Variants in COL25A1 observed in about 807,000 individuals in gnomAD.
The protein encoded by COL25A1 is collagen type XXV alpha 1 chain.
A neutral mutation model predicts 128.4 loss-of-function variants in COL25A1; 103 were observed. The observed-to-expected ratio is 0.80, with a 90% CI of 0.68 to 0.94. COL25A1 has a LOEUF of 0.94. COL25A1 is among the 40% of genes least tolerant of loss of function. COL25A1 has a pLI of 0.00. For missense variants in COL25A1, 745 were observed against 840.0 expected, an observed-to-expected ratio of 0.89 and a Z score of 1.40; for synonymous variants, 279 against 277.2, an observed-to-expected ratio of 1.01 and a Z score of -0.06.
intron 3 of COL25A1, among the ~76,000 whole-genome samples, chr4:109,267,787 C>T (rs1385616263): frequency 6.6e-6 from 1 of 151,962 alleles, no homozygotes; most frequent in African/African-American, 2.4e-5. Context: ...ATATTTCTAA[C>T]TTAAAAAAAA....
chr4:109,232,372 G>A (rs978334268), intron 3 of COL25A1, among the ~76,000 whole-genome samples: 1 of 152,106 alleles, frequency 6.6e-6, no homozygotes, highest in Admixed American at 6.6e-5. Context: ...TTTAGATATT[G>A]AATGAGAAAA....
chr4:108,850,892 T>A (rs1735691526), intron 26 of COL25A1, among the ~76,000 whole-genome samples: 2 of 152,116 alleles, frequency 1.3e-5, no homozygotes, highest in South Asian at 2.1e-4. Flanking sequence ...CCTCTTTGGG[T>A]CAAAGAATGG....
intron 6 of COL25A1, among the ~76,000 whole-genome samples, chr4:109,001,276 T>G (rs1287132939): frequency 6.8e-6 from 1 of 146,376 alleles, no homozygotes; most frequent in Non-Finnish European, 1.5e-5. Flanking sequence ...ACTACTCACT[T>G]TCCTGACTTG....
At chr4:109,183,804 T>C (rs1774885919) in intron 3 of COL25A1, among the ~76,000 whole-genome samples, 1 of 152,044 alleles carries the variant, frequency 6.6e-6, no homozygotes, top group Non-Finnish European at 1.5e-5. Flanking sequence ...AGCTAAAATA[T>C]TGATAATAGC....
At chr4:109,116,309 T>C (rs1767552362) in intron 3 of COL25A1, among the ~76,000 whole-genome samples, 1 of 152,074 alleles carries the variant, frequency 6.6e-6, no homozygotes, top group Non-Finnish European at 1.5e-5. Context: ...TTTATTCTTG[T>C]CAACAAGGCC....
chr4:109,169,120 T>C (rs1773345399), intron 3 of COL25A1, among the ~76,000 whole-genome samples: 1 of 152,208 alleles, frequency 6.6e-6, no homozygotes, highest in Non-Finnish European at 1.5e-5. Flanking sequence ...TATATAAATA[T>C]ATCCCCAAAC....
chr4:109,094,399 C>G (rs1298878700), intron 3 of COL25A1, among the ~76,000 whole-genome samples: 1 of 152,180 alleles, frequency 6.6e-6, no homozygotes, highest in Non-Finnish European at 1.5e-5. Flanking sequence ...AGAAGAGAAT[C>G]ATTAAATATA....
At chr4:108,875,495 A>G (rs537791669) in intron 19 of COL25A1, among the ~76,000 whole-genome samples, 94 of 152,242 alleles carry the variant, frequency 6.2e-4, no homozygotes, top group Non-Finnish European at 1.1e-3. Flanking sequence ...AGAAATGAAA[A>G]TCAAAACCAC....
intron 8 of COL25A1, among the ~76,000 whole-genome samples, chr4:108,956,389 G>A (rs1008532228): frequency 1.2e-4 from 18 of 152,152 alleles, no homozygotes; most frequent in East Asian, 3.9e-4. Flanking sequence ...GGACTGATCC[G>A]TTTAATACAT....
In COL25A1 at chr4:108,844,508, G is replaced by A. The variant is rs1291779747; in HGVS notation, c.1629+11C>T. On this transcript the variant is annotated intron_variant, in intron 30 of 37. Coordinates refer to ENST00000399132, the MANE Select transcript of COL25A1 (RefSeq NM_198721.4). ...ATAAGCAATTACATTTCAGAAAGAA[G>A]GGAAACTTACCATGGGGCCAGGTGG... is the stretch of plus-strand genomic sequence containing the variant. 6 of 1,614,120 alleles carry A rather than the reference G, an allele frequency of 3.7e-6. No homozygotes were observed. The East Asian group carries it at 1.1e-4, about 30-fold the overall frequency.
chr4:109,014,738 G>T (rs1432200196), intron 5 of COL25A1, among the ~76,000 whole-genome samples: 11 of 152,190 alleles, frequency 7.2e-5, no homozygotes, highest in Non-Finnish European at 1.2e-4. Flanking sequence ...TGAATTTCAG[G>T]GATGTATGGT....
chr4:108,907,810 A>T (rs1743709904), intron 13 of COL25A1, among the ~76,000 whole-genome samples: 1 of 111,506 alleles, frequency 9.0e-6, no homozygotes, highest in Non-Finnish European at 2.0e-5. Context: ...TGGCTTTAGG[A>T]CACTAATACC....
chr4:109,128,142 A>G (rs927277240), intron 3 of COL25A1, among the ~76,000 whole-genome samples: 4 of 152,200 alleles, frequency 2.6e-5, no homozygotes, highest in Non-Finnish European at 5.9e-5. Flanking sequence ...AGTTAGAGTC[A>G]GGAGATGTTT....
chr4:109,147,009 A>G (rs1771006696), intron 3 of COL25A1, among the ~76,000 whole-genome samples: 1 of 152,160 alleles, frequency 6.6e-6, no homozygotes, highest in African/African-American at 2.4e-5. Flanking sequence ...AAAAAAAACA[A>G]AACTGTGTGG....
At chr4:109,245,814 G>A (rs965974631) in intron 3 of COL25A1, among the ~76,000 whole-genome samples, 17 of 152,026 alleles carry the variant, frequency 1.1e-4, no homozygotes, top group African/African-American at 4.1e-4. Flanking sequence ...CCCAAAGGTA[G>A]CAGCAAAAAA....
chr4:108,849,944 G>A (rs1163750479), intron 26 of COL25A1, among the ~76,000 whole-genome samples: 5 of 152,112 alleles, frequency 3.3e-5, no homozygotes, highest in South Asian at 2.1e-4. Flanking sequence ...CAAGAAAAGC[G>A]GCGGGGGAAG....
intron 3 of COL25A1, among the ~76,000 whole-genome samples, chr4:109,115,487 T>C (rs953894961): frequency 5.9e-5 from 9 of 152,026 alleles, no homozygotes; most frequent in African/African-American, 2.2e-4. Context: ...AGGGTAGGGC[T>C]TAAATATTTT....
intron 3 of COL25A1, among the ~76,000 whole-genome samples, chr4:109,161,434 C>T (rs1772569164): frequency 6.6e-6 from 1 of 152,112 alleles, no homozygotes; most frequent in Non-Finnish European, 1.5e-5. Flanking sequence ...TCTGTTCTTT[C>T]TTTCTTATCC....
intron 3 of COL25A1, among the ~76,000 whole-genome samples, chr4:109,243,279 T>G: frequency 6.6e-6 from 1 of 152,042 alleles, no homozygotes; most frequent in East Asian, 1.9e-4. Context: ...TGCATCTTCA[T>G]GCTATCAGTA....
Sources: gnomAD v4.1 joint callset for allele counts (sites outside exome capture counted in the v4.1 genomes callset) on GRCh38, gnomAD v4.1.1 for gene constraint, MANE v1.5 for transcripts, NCBI Gene and HGNC (gene_info 2026-07-23, HGNC 2026-07-21) for gene names.